Variants in DIDO1 observed in about 807,000 individuals in gnomAD.
DIDO1 encodes the protein death-inducer obliterator 1.
DIDO1 carries 16 observed loss-of-function variants against 99.4 expected under a neutral mutation model. The observed-to-expected ratio is 0.16, with a 90% CI of 0.11 to 0.24. The LOEUF (loss-of-function observed/expected upper bound fraction) is 0.24, where lower values mean the gene tolerates loss of function less well. Among genes scored for constraint, DIDO1 ranks in the 10% least tolerant of loss-of-function variants. The pLI is 1.00. For missense variants in DIDO1, 2,996 were observed against 3,014.0 expected (o/e 0.99, Z 0.14); for synonymous variants, 1,366 against 1,239.1 (o/e 1.10, Z -2.15).
intron 15 of DIDO1, among the ~76,000 whole-genome samples, chr20:62,882,832 G>A (rs1336694625): frequency 6.6e-6 from 1 of 151,918 alleles, no homozygotes; most frequent in Non-Finnish European, 1.5e-5. Context: ...GGTGAAAAGG[G>A]CATTGTCGCA....
In DIDO1 at chr20:62,896,253, G is replaced by A. The variant is rs2064518044; in HGVS notation, c.2194C>T (p.Leu732=). 2 of 1,613,546 alleles carry A rather than the reference G, an allele frequency of 1.2e-6. No homozygotes were observed. Among genetic ancestry groups the A allele is most frequent in the Non-Finnish European group, 8.5e-7 (1 of 1,179,898 alleles). ...CACACCTGATTTTTAGGGTCCTTCAGGTTGAACATGATGCTGCGATATTTA... is the reference window on the plus strand; with the variant it reads ...CACACCTGATTTTTAGGGTCCTTCAAGTTGAACATGATGCTGCGATATTTA... ...KSKYRSIMFN[L]KDPKNQGLFH... The change falls in exon 8 of 16, where the codon CTG becomes TTG. Residue 732 remains leucine (L), a synonymous_variant. Transcript: ENST00000395343. This position sits in a 1 kb window ranked among gnomAD's most constrained non-coding sequence, Gnocchi z 4.4.
intron 15 of DIDO1, chr20:62,889,460 G>A (rs2064355398): frequency 1.0e-6 from 1 of 985,306 alleles, no homozygotes; most frequent in Non-Finnish European, 1.2e-6. Context: ...TTTTAAAAAG[G>A]GGAGGCTCGC....
chr20:62,879,707 G>C lies in DIDO1; in HGVS notation c.6249C>G (p.Phe2083Leu), dbSNP rs745728107. The change falls in exon 16 of 16, where the codon TTC (phenylalanine) becomes TTG (leucine). Residue 2083 changes from phenylalanine to leucine, a missense_variant. Phe to Leu is a conservative substitution (Grantham distance 22, BLOSUM62 0). Coordinates refer to ENST00000395343, the MANE Select transcript of DIDO1 (RefSeq NM_001193369.2). This position sits in a 1 kb window ranked among gnomAD's most constrained non-coding sequence, Gnocchi z 6.3. ...CAAACCGCTCTCTCTGCCTCCCTTC[G>C]AAAGTCTGGTTTCTGTATTCGTGGC... is the stretch of plus-strand genomic sequence containing the variant. Reference protein sequence around the residue: ...GKGHEYRNQTFEGRQRERFDV... With the variant: ...GKGHEYRNQTLEGRQRERFDV... 18 of 1,611,190 alleles carry C rather than the reference G, an allele frequency of 1.1e-5. No individual in the cohort carries two copies. The highest frequency in any genetic ancestry group is 4.5e-5 in the East Asian group (2 of 44,854).
At chr20:62,898,804 T>TA (rs907396385) in intron 6 of DIDO1, among the ~76,000 whole-genome samples, 2 of 152,254 alleles carry the variant, frequency 1.3e-5, no homozygotes, top group East Asian at 1.9e-4. Context: ...AGCTAGTTTT[T>TA]ATCTGTCCAG....
intron 4 of DIDO1, 31 bp downstream of exon 4, chr20:62,909,668 T>C (rs2064884865): frequency 6.2e-7 from 1 of 1,606,784 alleles, no homozygotes; most frequent in Non-Finnish European, 8.5e-7. Flanking sequence ...GGCCGACTGC[T>C]GAATGCTCGT....
Position 62,879,519 on chromosome 20 carries a change from T to C in DIDO1, c.6437A>G (p.Asp2146Gly). 2 of 1,599,154 alleles carry C rather than the reference T, an allele frequency of 1.3e-6. No homozygotes were observed. Among genetic ancestry groups the C allele is most frequent in the Non-Finnish European group, 1.7e-6 (2 of 1,179,010 alleles). Residue 2146 changes from aspartate to glycine, a missense_variant, in exon 16 of 16, where the codon GAC becomes GGC. Coordinates refer to ENST00000395343, the MANE Select transcript of DIDO1 (RefSeq NM_001193369.2). The surrounding 1 kb of genome is among the most constrained non-coding windows in gnomAD (Gnocchi z 6.3). ...DRHRDKDSSR[D>G]WDRNRERSAN... ...GCTCCTCTCCCGGTTTCTGTCCCAG[T>C]CCCGGCTGGAGTCCTTGTCCCGGTG... is the stretch of plus-strand genomic sequence containing the variant.
At chr20:62,936,557 A>C (rs2065386979) in intron 1 of DIDO1, among the ~76,000 whole-genome samples, 1 of 144,722 alleles carries the variant, frequency 6.9e-6, no homozygotes, top group Non-Finnish European at 1.5e-5. Flanking sequence ...TCCTTCTCAA[A>C]AAATAGAATA....
At position 62,910,980 on chromosome 20, in the gene DIDO1, G is replaced by A. The variant is rs1240560188; in HGVS notation, c.633C>T (p.Gly211=). 6.2e-6 allele frequency: 10 copies of A among 1,613,878 alleles called. No homozygotes were observed. The highest frequency in any genetic ancestry group is 2.2e-5 in the South Asian group (2 of 91,074). ...CGGGCTCCTGCTTACTGGGCAGGAC[G>A]CCCTCCACAGTGTCACTGGCCTCGG... is the stretch of plus-strand genomic sequence containing the variant. ...VGSEASDTVE[G]VLPSKQEPEN... Residue 211 remains glycine, a synonymous_variant, in exon 3 of 16, where the codon GGC becomes GGT. Coordinates refer to ENST00000395343, the MANE Select transcript of DIDO1 (RefSeq NM_001193369.2).
At chr20:62,922,182 A>ATG (rs563584499) in intron 1 of DIDO1, among the ~76,000 whole-genome samples, 69 of 146,412 alleles carry the variant, frequency 4.7e-4, no homozygotes, top group Admixed American at 1.2e-3. Flanking sequence ...TTTTATATGT[A>ATG]TGTGTGTGTG....
At chr20:62,907,497 T>C in intron 4 of DIDO1, 138 bp from the exon 5 acceptor site, 1 of 839,288 alleles carries the variant, frequency 1.2e-6, no homozygotes, top group South Asian at 1.7e-5. Context: ...TTAATATGAA[T>C]AAACATTTTG....
At position 62,893,805 on chromosome 20, in the gene DIDO1, T is replaced by G. The variant is rs765154176; in HGVS notation, c.2962A>C (p.Ser988Arg). The change falls in exon 12 of 16, where the codon AGC becomes CGC. Residue 988 changes from serine (S) to arginine (R), a missense_variant. By Grantham distance (110) the Ser-to-Arg change is moderately radical. Coordinates refer to ENST00000395343, the MANE Select transcript of DIDO1 (RefSeq NM_001193369.2). The stretch of plus-strand genomic sequence containing the variant: ...TGTCTGGCTTCCACCATGTGGGTGC[T>G]GTCTGGGCGGGATGCTGCGGAGGCC... ...AVASAASRPD[S>R]THMVEARQDV... The G allele has an allele frequency of 5.0e-6, 8 of 1,614,046 alleles. No individual in the cohort carries two copies. In the Admixed American group the frequency reaches 1.3e-4, roughly 27 times the overall value.
intron 6 of DIDO1, 168 bp downstream of exon 6, chr20:62,905,719 C>G (rs889838431): frequency 6.2e-7 from 1 of 1,607,116 alleles, no homozygotes; most frequent in East Asian, 2.2e-5. Context: ...GGACACAGGG[C>G]AGCAGGAGGC....
Position 62,894,755 on chromosome 20 carries a change from C to T in DIDO1, c.2436+55G>A, listed in dbSNP as rs2064479097. ...CCAATAATTTAAGATAACCTCAAAA[C>T]ATTTGGGATGGATTAGTCTATTCTC... On this transcript the variant is annotated intron_variant, in intron 10 of 15. Transcript: ENST00000395343. The surrounding 1 kb of genome is among the most constrained non-coding windows in gnomAD (Gnocchi z 4.4). 1.9e-6 allele frequency: 3 copies of T among 1,557,330 alleles called. No homozygotes were observed. The highest frequency in any genetic ancestry group is 1.9e-4 in the Middle Eastern group (1 of 5,214).
intron 6 of DIDO1, among the ~76,000 whole-genome samples, chr20:62,897,785 C>G (rs545285157): frequency 1.3e-5 from 2 of 152,188 alleles, no homozygotes; most frequent in Non-Finnish European, 2.9e-5. Flanking sequence ...TCGTCAGAGC[C>G]CAAAGGCCCT....
In DIDO1 at chr20:62,894,958, G is replaced by A. The variant is rs1285847125; in HGVS notation, c.2332-44C>T. 4.4e-6 allele frequency: 7 copies of A among 1,602,684 alleles called. No individual in the cohort carries two copies. The highest frequency in any genetic ancestry group is 5.1e-6 in the Non-Finnish European group (6 of 1,171,648). ...AACAGAGCTTAGGCCTTGTTTTCTA[G>A]GAGGAAAGCATCGCTTATGCAGCCG... On this transcript the variant is annotated intron_variant, in intron 9 of 15. Coordinates refer to ENST00000395343, the MANE Select transcript of DIDO1 (RefSeq NM_001193369.2). The surrounding 1 kb of genome is among the most constrained non-coding windows in gnomAD (Gnocchi z 4.4).
chr20:62,937,276 C>T (rs2065399237), intron 1 of DIDO1, among the ~76,000 whole-genome samples: 1 of 152,238 alleles, frequency 6.6e-6, no homozygotes, highest in South Asian at 2.1e-4. Context: ...TGGGACCCTG[C>T]AATGACAGAC....
At chr20:62,886,143 G>A (rs2064294448) in intron 15 of DIDO1, among the ~76,000 whole-genome samples, 1 of 152,348 alleles carries the variant, frequency 6.6e-6, no homozygotes, top group South Asian at 2.1e-4. Context: ...GGGCTACTGA[G>A]GGCCTCAGTT....
chr20:62,937,545 G>A (rs945292453), intron 1 of DIDO1, among the ~76,000 whole-genome samples: 11 of 152,242 alleles, frequency 7.2e-5, no homozygotes, highest in African/African-American at 2.4e-4. Context: ...ACCTGGCCTC[G>A]AGTGAGGACG....
intron 1 of DIDO1, among the ~76,000 whole-genome samples, chr20:62,933,516 T>C (rs1288018043): frequency 1.3e-5 from 2 of 152,212 alleles, no homozygotes; most frequent in Non-Finnish European, 2.9e-5. Context: ...AAAACATCCA[T>C]GGGAATAATG....
Sources: gnomAD v4.1 joint callset for allele counts (sites outside exome capture counted in the v4.1 genomes callset) on GRCh38, gnomAD v4.1.1 for gene constraint, Gnocchi (gnomAD v3.1) non-coding constraint, MANE v1.5 for transcripts, NCBI Gene and HGNC (gene_info 2026-07-23, HGNC 2026-07-21) for gene names.